GALNT18: variants seen among roughly 807,000 people sequenced by gnomAD.
GALNT18 encodes the protein polypeptide N-acetylgalactosaminyltransferase 18, also known as GalNAc-transferase 18.
GALNT18 carries 44 observed loss-of-function variants against 69.5 expected under a neutral mutation model. That is an observed-to-expected ratio of 0.63 (90% confidence interval 0.50 to 0.81). The LOEUF (loss-of-function observed/expected upper bound fraction) is 0.81, where lower values mean the gene tolerates loss of function less well. Ranked by LOEUF, GALNT18 falls within the 40% of genes least tolerant of loss-of-function variation. The pLI, the probability that GALNT18 is intolerant of heterozygous loss-of-function variation, is 0.00. For missense variants in GALNT18, 715 were observed against 810.0 expected, an observed-to-expected ratio of 0.88 and a Z score of 1.42; for synonymous variants, 364 against 318.2, an observed-to-expected ratio of 1.14 and a Z score of -1.53.
At chr11:11,508,658 G>T (rs1042486179) in intron 1 of GALNT18, among the ~76,000 whole-genome samples, 1 of 152,120 alleles carries the variant, frequency 6.6e-6, no homozygotes, top group Non-Finnish European at 1.5e-5. Flanking sequence ...CAGAGGCATG[G>T]TCTTCATTCA....
intron 10 of GALNT18, among the ~76,000 whole-genome samples, 158 bp from the exon 11 acceptor site, chr11:11,271,448 CAT>C (rs896493885): frequency 2.0e-5 from 3 of 152,174 alleles, no homozygotes; most frequent in Non-Finnish European, 2.9e-5. Context: ...CCCTATCACT[CAT>C]ATATTAGTCT....
chr11:11,463,148 T>A lies in GALNT18; in HGVS notation c.236-14212A>T, dbSNP rs1856082157. On this transcript the variant is annotated intron_variant, in intron 1 of 10. Transcript: ENST00000227756. The surrounding 1 kb of genome is among the most constrained non-coding windows in gnomAD (Gnocchi z 4.2). ...CCCACAAGAGAACAGGGTTCCTGCT[T>A]CCCTCAGTTATCACTGGCTGTATCC... 6.6e-6 allele frequency among the ~76,000 whole-genome samples: 1 copy of A among 151,882 alleles called. No individual in the cohort carries two copies. Among genetic ancestry groups the A allele is most frequent in the Non-Finnish European group, 1.5e-5 (1 of 67,986 alleles).
intron 1 of GALNT18, among the ~76,000 whole-genome samples, chr11:11,579,097 C>T (rs1033009600): frequency 9.9e-5 from 15 of 152,242 alleles, no homozygotes; most frequent in Non-Finnish European, 2.2e-4. Context: ...CCAGCAGACA[C>T]ATAGGTTTGG....
chr11:11,473,590 C>A (rs1203336076), intron 1 of GALNT18, among the ~76,000 whole-genome samples: 1 of 152,208 alleles, frequency 6.6e-6, no homozygotes, highest in Non-Finnish European at 1.5e-5. Context: ...CTTTCAGCAT[C>A]CTGAGTGCCT....
At chr11:11,578,492 G>A (rs1462892582) in intron 1 of GALNT18, among the ~76,000 whole-genome samples, 1 of 152,192 alleles carries the variant, frequency 6.6e-6, no homozygotes, top group Admixed American at 6.5e-5. Context: ...CAGTTTGAGT[G>A]CACCTGGTAA....
At chr11:11,424,049 C>T (rs1855072595) in intron 3 of GALNT18, among the ~76,000 whole-genome samples, 1 of 152,230 alleles carries the variant, frequency 6.6e-6, no homozygotes. Context: ...CCAGTGGCAG[C>T]TAGCTGAGTG....
In GALNT18 at chr11:11,596,036, A is replaced by G. The variant is rs895798951; in HGVS notation, c.235+25323T>C. 1.3e-5 allele frequency among the ~76,000 whole-genome samples: 2 copies of G among 152,136 alleles called. No individual in the cohort carries two copies. Among genetic ancestry groups the G allele is most frequent in the Admixed American group, 6.6e-5 (1 of 15,264 alleles). ...GATTTTATCTCTTATATTTAGTTCT[A>G]TGATCCATTTTGAGTTAGTTTTTGT... On this transcript the variant is annotated intron_variant, in intron 1 of 10. Coordinates refer to ENST00000227756, the MANE Select transcript of GALNT18 (RefSeq NM_198516.3). This position sits in a 1 kb window ranked among gnomAD's most constrained non-coding sequence, Gnocchi z 4.2.
rs1033773647 is a variant in GALNT18 at position 11,463,200 on chromosome 11, A to T, written c.236-14264T>A. 9.1e-6 allele frequency among the ~76,000 whole-genome samples: 1 copy of T among 110,324 alleles called. No individual in the cohort carries two copies. The highest frequency in any genetic ancestry group is 3.4e-5 in the African/African-American group (1 of 29,012). The allele number at this position is 110,324 out of a possible 152,430, so 72.4% of individuals were successfully genotyped here. ...CACACATGGACATACACACTCAGAC[A>T]GACAGACAGACACACACACACACAC... On this transcript the variant is annotated intron_variant, in intron 1 of 10. Transcript: ENST00000227756. The surrounding 1 kb of genome is among the most constrained non-coding windows in gnomAD (Gnocchi z 4.2).
rs573355246 is a variant in GALNT18 at position 11,318,535 on chromosome 11, G to A, written c.1512+8551C>T. The stretch of plus-strand genomic sequence containing the variant: ...GAGGGAGCTTGGCCCTGCTGAGACC[G>A]ATCTCGAACTTCTAGGCTTCAGAAT... On this transcript the variant is annotated intron_variant, in intron 9 of 10. Coordinates refer to ENST00000227756, the MANE Select transcript of GALNT18 (RefSeq NM_198516.3). This position sits in a 1 kb window ranked among gnomAD's most constrained non-coding sequence, Gnocchi z 5.1. 7.2e-5 allele frequency among the ~76,000 whole-genome samples: 11 copies of A among 152,274 alleles called. No homozygotes were observed. Among genetic ancestry groups the A allele is most frequent in the South Asian group, 4.1e-4 (2 of 4,820 alleles).
chr11:11,621,488 T>C lies in GALNT18; in HGVS notation c.106A>G (p.Ile36Val), dbSNP rs760589250. The C allele has an allele frequency of 3.7e-6, 6 of 1,614,134 alleles. No individual in the cohort carries two copies. Among genetic ancestry groups the C allele is most frequent in the South Asian group, 2.2e-5 (2 of 91,082 alleles). ...LLYVGWVTNY[I>V]ASVYVRGQEP... is the part of the protein sequence containing the mutation. Reference sequence around the variant, plus strand: ...TGCCCCCGCACATACACGCTGGCGATGTAGTTGGTGACCCAGCCCACGTAG... The same window carrying C: ...TGCCCCCGCACATACACGCTGGCGACGTAGTTGGTGACCCAGCCCACGTAG... Residue 36 changes from isoleucine to valine, a missense_variant, in exon 1 of 11, where the codon ATC (isoleucine) becomes GTC (valine). By Grantham distance (29) the Ile-to-Val change is conservative. Coordinates refer to ENST00000227756, the MANE Select transcript of GALNT18 (RefSeq NM_198516.3). This position sits in a 1 kb window ranked among gnomAD's most constrained non-coding sequence, Gnocchi z 9.3.
rs180975420 is a variant in GALNT18, at chr11:11,283,900, T to C, written c.1677+9129A>G. Among the ~76,000 whole-genome samples the C allele has an allele frequency of 5.8e-4, 89 of 152,308 alleles. 1 individual carries two copies. Among genetic ancestry groups the C allele is most frequent in the African/African-American group, 2.1e-3 (88 of 41,538 alleles). On this transcript the variant is annotated intron_variant, in intron 10 of 10. Transcript: ENST00000227756. ...AAATCAAATTTGAATGTGTAGAATT[T>C]TGAAGGCTAATAATAATTCCTAGAG...
At position 11,584,668 on chromosome 11, in the gene GALNT18, T is replaced by C. The variant is rs1186715260; in HGVS notation, c.235+36691A>G. ...ATTCCTATTAGTCAGTGCTATCTTA[T>C]AAGCACACATACACATAAAGCACTT... On this transcript the variant is annotated intron_variant, in intron 1 of 10. Coordinates refer to ENST00000227756, the MANE Select transcript of GALNT18 (RefSeq NM_198516.3). The surrounding 1 kb of genome is among the most constrained non-coding windows in gnomAD (Gnocchi z 4.1). 6.6e-6 allele frequency among the ~76,000 whole-genome samples: 1 copy of C among 152,204 alleles called. No homozygotes were observed. The highest frequency in any genetic ancestry group is 1.5e-5 in the Non-Finnish European group (1 of 68,044).
At chr11:11,360,128 T>A (rs1589936599) in intron 6 of GALNT18, among the ~76,000 whole-genome samples, 1 of 152,212 alleles carries the variant, frequency 6.6e-6, no homozygotes, top group African/African-American at 2.4e-5. Context: ...ATAAAGCACC[T>A]GCTTCTGTTG....
intron 1 of GALNT18, among the ~76,000 whole-genome samples, chr11:11,455,648 G>C (rs750877714): frequency 2.0e-5 from 3 of 151,820 alleles, no homozygotes; most frequent in African/African-American, 2.4e-5. Flanking sequence ...GCAGGCTGGG[G>C]GTAGCCCATG....
At chr11:11,516,198 C>T (rs1045230470) in intron 1 of GALNT18, among the ~76,000 whole-genome samples, 2 of 152,116 alleles carry the variant, frequency 1.3e-5, no homozygotes, top group Admixed American at 6.5e-5. Flanking sequence ...CACAGTCAAC[C>T]TATACAATGT....
At chr11:11,609,014 T>C (rs1859821886) in intron 1 of GALNT18, among the ~76,000 whole-genome samples, 1 of 152,252 alleles carries the variant, frequency 6.6e-6, no homozygotes, top group Non-Finnish European at 1.5e-5. Flanking sequence ...GATCCTTAAC[T>C]GTTTCTTGTT....
Position 11,382,937 on chromosome 11 carries a change from T to A in GALNT18, c.596-3673A>T, listed in dbSNP as rs1436615468. On this transcript the variant is annotated intron_variant, in intron 3 of 10. Coordinates refer to ENST00000227756, the MANE Select transcript of GALNT18 (RefSeq NM_198516.3). The surrounding 1 kb of genome is among the most constrained non-coding windows in gnomAD (Gnocchi z 4.3). ...GACTCTGCCAGATCTAGAGTCAATG[T>A]GCAGCTGTCGATAGCCCATGTTGAC... Among the ~76,000 whole-genome samples, 1 of 152,210 alleles carries A rather than the reference T, an allele frequency of 6.6e-6. No homozygotes were observed. Among genetic ancestry groups the A allele is most frequent in the African/African-American group, 2.4e-5 (1 of 41,452 alleles).
intron 6 of GALNT18, among the ~76,000 whole-genome samples, chr11:11,345,285 C>G (rs1354459027): frequency 6.6e-6 from 1 of 152,224 alleles, no homozygotes; most frequent in Non-Finnish European, 1.5e-5. Flanking sequence ...GCATGTTTAC[C>G]CTGCCACTTC....
chr11:11,298,863 G>A (rs1467052104), intron 9 of GALNT18, among the ~76,000 whole-genome samples: 3 of 152,316 alleles, frequency 2.0e-5, no homozygotes, highest in East Asian at 1.9e-4. Flanking sequence ...GGAGGAGGAC[G>A]TTGCAGATGA....
Sources: allele counts gnomAD v4.1 joint callset (sites outside exome capture counted in the v4.1 genomes callset), GRCh38; gene constraint gnomAD v4.1.1; non-coding constraint Gnocchi (gnomAD v3.1); transcripts MANE v1.5; gene names NCBI Gene and HGNC (gene_info 2026-07-23, HGNC 2026-07-21).